Variants in SCHIP1 observed in about 807,000 individuals in gnomAD.
The protein encoded by SCHIP1 is schwannomin interacting protein 1.
Under a neutral mutation model 29.7 loss-of-function variants are expected in SCHIP1, and 8 were observed. The ratio of observed to expected loss-of-function variants is 0.27; its 90% confidence interval spans 0.16 to 0.49. The LOEUF (loss-of-function observed/expected upper bound fraction) is 0.49, where lower values mean the gene tolerates loss of function less well. Among genes scored for constraint, SCHIP1 ranks in the 20% least tolerant of loss-of-function variants. The pLI, the probability that SCHIP1 is intolerant of heterozygous loss-of-function variation, is 0.99. For synonymous variants in SCHIP1, 76 were observed against 94.9 expected (o/e 0.80, Z 1.16); for missense variants, 193 against 294.6 (o/e 0.66, Z 2.52).
At chr3:159,685,556 A>G in the SCHIP1 span, among the ~76,000 whole-genome samples, 8 of 152,230 alleles carry the variant, frequency 5.3e-5, no homozygotes, top group East Asian at 3.8e-4. Context: ...CTTTCTTCTT[A>G]AATATCTCTA....
the SCHIP1 span, among the ~76,000 whole-genome samples, chr3:159,506,170 T>A: frequency 5.9e-5 from 9 of 152,212 alleles, no homozygotes; most frequent in South Asian, 2.1e-4. Context: ...TTCTAACTGG[T>A]GTGAGATGGT....
chr3:159,406,221 G>A, the SCHIP1 span, among the ~76,000 whole-genome samples: 184 of 152,096 alleles, frequency 1.2e-3, 2 homozygotes, highest in South Asian at 0.03. Flanking sequence ...CCTAAAAGCA[G>A]CAAGAGAAAA....
At chr3:159,277,106 C>T in the SCHIP1 span, among the ~76,000 whole-genome samples, 1 of 152,102 alleles carries the variant, frequency 6.6e-6, no homozygotes, top group African/African-American at 2.4e-5. Context: ...CTCTGGAATG[C>T]TGTTTTAGTG....
the SCHIP1 span, among the ~76,000 whole-genome samples, chr3:159,537,126 T>C: frequency 6.6e-6 from 1 of 152,142 alleles, no homozygotes; most frequent in Non-Finnish European, 1.5e-5. Context: ...TGCAGGATAT[T>C]AGGCAGCTAT....
At chr3:159,330,019 T>G in the SCHIP1 span, among the ~76,000 whole-genome samples, 1 of 152,196 alleles carries the variant, frequency 6.6e-6, no homozygotes, top group Non-Finnish European at 1.5e-5. Flanking sequence ...TGCAGTTTGA[T>G]GCATAATCTT....
the SCHIP1 span, among the ~76,000 whole-genome samples, chr3:159,718,644 T>A: frequency 1.0e-3 from 159 of 152,066 alleles, no homozygotes; most frequent in African/African-American, 3.6e-3. Flanking sequence ...TGCTTCAAAG[T>A]GAATAAAATA....
At chr3:159,395,193 A>G in the SCHIP1 span, among the ~76,000 whole-genome samples, 1 of 151,554 alleles carries the variant, frequency 6.6e-6, no homozygotes, top group African/African-American at 2.4e-5. Flanking sequence ...TATTGCATCT[A>G]TTTGATTCTT....
At chr3:159,887,453 A>G in intron 3 of SCHIP1, 1 of 421,246 alleles carries the variant, frequency 2.4e-6, no homozygotes, top group South Asian at 3.1e-5. Flanking sequence ...CCAAGAATCA[A>G]AGACATATTT....
chr3:159,551,890 T>C, the SCHIP1 span, among the ~76,000 whole-genome samples: 3 of 151,838 alleles, frequency 2.0e-5, no homozygotes, highest in Non-Finnish European at 4.4e-5. Flanking sequence ...TACTAGAATA[T>C]GGGATTAAGA....
At chr3:159,884,947 G>C (rs928144487) in intron 2 of SCHIP1, among the ~76,000 whole-genome samples, 3 of 152,146 alleles carry the variant, frequency 2.0e-5, no homozygotes, top group Non-Finnish European at 2.9e-5. Context: ...TTCTTACAGG[G>C]GTTGTAAGCT....
the SCHIP1 span, among the ~76,000 whole-genome samples, chr3:159,688,535 C>T: frequency 6.6e-6 from 1 of 152,132 alleles, no homozygotes; most frequent in African/African-American, 2.4e-5. Context: ...AATTGTCTCC[C>T]ATTCTGTAGG....
chr3:159,553,034 A>T, the SCHIP1 span, among the ~76,000 whole-genome samples: 1 of 152,160 alleles, frequency 6.6e-6, no homozygotes, highest in South Asian at 2.1e-4. Flanking sequence ...TCATATTACG[A>T]ATTAGAAAAC....
the SCHIP1 span, among the ~76,000 whole-genome samples, chr3:159,380,385 G>A: frequency 6.6e-6 from 1 of 152,074 alleles, no homozygotes; most frequent in Non-Finnish European, 1.5e-5. Flanking sequence ...CAATTTATGT[G>A]TTTTCTTTCC....
chr3:159,546,287 A>G, the SCHIP1 span, among the ~76,000 whole-genome samples: 2 of 152,100 alleles, frequency 1.3e-5, no homozygotes, highest in Non-Finnish European at 2.9e-5. Flanking sequence ...TCTTAATCCA[A>G]TTTCTGGGGG....
At chr3:159,703,483 A>T in the SCHIP1 span, among the ~76,000 whole-genome samples, 1 of 152,156 alleles carries the variant, frequency 6.6e-6, no homozygotes, top group Non-Finnish European at 1.5e-5. Flanking sequence ...ATTGTGTCAC[A>T]AAAAAACTGC....
chr3:159,820,092 A>G, the SCHIP1 span, among the ~76,000 whole-genome samples: 40 of 152,194 alleles, frequency 2.6e-4, no homozygotes, highest in Non-Finnish European at 3.7e-4. Flanking sequence ...AAAGCTGTAC[A>G]AGGTTACAAG....
the SCHIP1 span, among the ~76,000 whole-genome samples, chr3:159,285,079 T>C: frequency 0.016 from 2,479 of 152,264 alleles, 62 homozygotes; most frequent in African/African-American, 0.057. Context: ...CAATAATTTC[T>C]TATTTTGTTA....
chr3:159,415,970 A>G, the SCHIP1 span, among the ~76,000 whole-genome samples: 1 of 152,192 alleles, frequency 6.6e-6, no homozygotes, highest in East Asian at 1.9e-4. Flanking sequence ...CTTTACAGCT[A>G]TATTCATATT....
At chr3:159,373,082 C>T in the SCHIP1 span, among the ~76,000 whole-genome samples, 1 of 151,108 alleles carries the variant, frequency 6.6e-6, no homozygotes, top group Non-Finnish European at 1.5e-5. Context: ...TTTATTTGCC[C>T]TAAAACAGAA....
Sources: gnomAD v4.1 joint callset for allele counts (sites outside exome capture counted in the v4.1 genomes callset) on GRCh38, gnomAD v4.1.1 for gene constraint, MANE v1.5 for transcripts, NCBI Gene and HGNC (gene_info 2026-07-23, HGNC 2026-07-21) for gene names.